B3GALNT2: variants seen among roughly 807,000 people sequenced by gnomAD.
B3GALNT2 encodes the protein beta-1,3-N-acetylgalactosaminyltransferase 2, also known as UDP-GalNAc:beta-1,3-N-acetylgalactosaminyltransferase 2.
In B3GALNT2, 53 loss-of-function variants were observed where a neutral mutation model predicts 61.1. The observed-to-expected ratio is 0.87, with a 90% confidence interval of 0.70 to 1.09. B3GALNT2 has a LOEUF of 1.09. B3GALNT2 is among the 50% of genes least tolerant of loss of function. The probability of loss-of-function intolerance (pLI) is 0.00; values close to 1 mark genes in which losing one functional copy is unlikely to be tolerated. For missense variants in B3GALNT2, 544 were observed against 623.0 expected (o/e 0.87, Z 1.35); for synonymous variants, 223 against 237.4 (o/e 0.94, Z 0.56).
chr1:235,494,163 G>A (rs1051431721), intron 2 of B3GALNT2, among the ~76,000 whole-genome samples: 2 of 152,176 alleles, frequency 1.3e-5, no homozygotes, highest in Admixed American at 6.5e-5. Context: ...TTAGTGAAAA[G>A]TATATTTAGA....
At chr1:235,441,680 A>G in the B3GALNT2 span, 478 of 761,168 alleles carry the variant, frequency 6.3e-4, 1 homozygote, top group African/African-American at 7.1e-3. Flanking sequence ...CACACTGAAT[A>G]AAGGCAGCTC....
In B3GALNT2 at chr1:235,492,823, T is replaced by C. The variant is rs377747835; in HGVS notation, c.260+1858A>G. On this transcript the variant is annotated intron_variant, in intron 2 of 11. Coordinates refer to ENST00000366600, the MANE Select transcript of B3GALNT2 (RefSeq NM_152490.5). ...TGAAGGAAGTGAGTCCTGAGGACAT[T>C]AGTGAGAGAGGACGTAGGAAATGCA... Among the ~76,000 whole-genome samples, 10 of 152,134 alleles carry C rather than the reference T, an allele frequency of 6.6e-5. 1 individual carries two copies. Among genetic ancestry groups the C allele is most frequent in the African/African-American group, 2.4e-4 (10 of 41,484 alleles).
the B3GALNT2 span, among the ~76,000 whole-genome samples, chr1:235,440,404 T>A: frequency 1.3e-5 from 2 of 151,536 alleles, no homozygotes; most frequent in Admixed American, 6.6e-5. Flanking sequence ...ATATATATAT[T>A]TTTTTGAGAT....
At chr1:235,490,637 T>C (rs1172296533) in intron 2 of B3GALNT2, among the ~76,000 whole-genome samples, 1 of 152,232 alleles carries the variant, frequency 6.6e-6, no homozygotes, top group African/African-American at 2.4e-5. Context: ...CTGCTACTAC[T>C]GGCTTCTGGG....
intron 3 of B3GALNT2, among the ~76,000 whole-genome samples, chr1:235,487,162 CAAAA>C: frequency 7.9e-6 from 1 of 127,194 alleles, no homozygotes. Flanking sequence ...ACTCTGTCTC[CAAAA>C]AAAAAAAAAA....
intron 7 of B3GALNT2, among the ~76,000 whole-genome samples, chr1:235,461,775 A>G (rs1467361297): frequency 6.6e-6 from 1 of 152,134 alleles, no homozygotes; most frequent in East Asian, 1.9e-4. Flanking sequence ...TTGGCCTCCC[A>G]AAGTGCTGGG....
intron 8 of B3GALNT2, among the ~76,000 whole-genome samples, chr1:235,456,056 G>A (rs1683156626): frequency 6.6e-6 from 1 of 152,054 alleles, no homozygotes; most frequent in Non-Finnish European, 1.5e-5. Flanking sequence ...TAATAACAAA[G>A]GCCCAGCATA....
At chr1:235,461,673 T>C (rs1028332640) in intron 7 of B3GALNT2, among the ~76,000 whole-genome samples, 8 of 151,972 alleles carry the variant, frequency 5.3e-5, no homozygotes, top group African/African-American at 1.9e-4. Flanking sequence ...TGCGCCACCA[T>C]GCCTAGCTAA....
chr1:235,444,543 A>G (rs1682115535), downstream of B3GALNT2, among the ~76,000 whole-genome samples: 1 of 152,174 alleles, frequency 6.6e-6, no homozygotes, highest in Non-Finnish European at 1.5e-5. Context: ...AGCTGGGACT[A>G]TAGGCACGAA....
intron 1 of B3GALNT2, chr1:235,496,379 T>G: frequency 2.2e-6 from 2 of 907,024 alleles, no homozygotes; most frequent in South Asian, 5.6e-5. Flanking sequence ...CAATGAGTCA[T>G]GTACTAAAAC....
At position 235,484,973 on chromosome 1, in the gene B3GALNT2, C is replaced by G. The variant is rs147766465; in HGVS notation, c.362-458G>C. Among the ~76,000 whole-genome samples, 451 of 152,316 alleles carry G rather than the reference C, an allele frequency of 3.0e-3. 2 individuals carry two copies. The highest frequency in any genetic ancestry group is 0.011 in the African/African-American group (440 of 41,570). ...GCAATTTAAAATACTTGTGATACATCAGGCAATTATTACGGTATAAATAAG... is the reference window on the plus strand; with the variant it reads ...GCAATTTAAAATACTTGTGATACATGAGGCAATTATTACGGTATAAATAAG... On this transcript the variant is annotated intron_variant, in intron 3 of 11. Coordinates refer to ENST00000366600, the MANE Select transcript of B3GALNT2 (RefSeq NM_152490.5).
Position 235,450,344 on chromosome 1 carries a change from T to C in B3GALNT2, c.1369-4A>G, listed in dbSNP as rs923489865. 35 of 1,613,890 alleles carry C rather than the reference T, an allele frequency of 2.2e-5. No homozygotes were observed. Among genetic ancestry groups the C allele is most frequent in the Non-Finnish European group, 2.8e-5 (33 of 1,179,816 alleles). ...TCTCACACAGCCACAGACTGTCCTGTTGAGAAACAACCAAAGCCGATCTGA... is the reference window on the plus strand; with the variant it reads ...TCTCACACAGCCACAGACTGTCCTGCTGAGAAACAACCAAAGCCGATCTGA... On this transcript the variant is annotated splice_region_variant and splice_polypyrimidine_tract_variant and intron_variant, in intron 11 of 11. Transcript: ENST00000366600.
At position 235,468,376 on chromosome 1, in the gene B3GALNT2, T is replaced by C. The variant is rs183474061; in HGVS notation, c.762+2474A>G. 1.1e-3 allele frequency among the ~76,000 whole-genome samples: 161 copies of C among 151,974 alleles called. 2 individuals carry two copies. Among genetic ancestry groups the C allele is most frequent in the African/African-American group, 3.6e-3 (149 of 41,488 alleles). ...TGTTTAAGCTATCTTTAGCCCTCTA[T>C]AATAATTTTTACTCCCAAAGGCAGA... On this transcript the variant is annotated intron_variant, in intron 6 of 11. Coordinates refer to ENST00000366600, the MANE Select transcript of B3GALNT2 (RefSeq NM_152490.5).
intron 3 of B3GALNT2, chr1:235,484,719 C>T (rs1684720132): frequency 1.1e-6 from 1 of 919,812 alleles, no homozygotes; most frequent in Non-Finnish European, 1.5e-6. Context: ...AAGTTTTCAG[C>T]CACATCTAAG....
Position 235,453,359 on chromosome 1 carries a change from C to T in B3GALNT2, c.1312-213G>A, listed in dbSNP as rs139783604. The stretch of plus-strand genomic sequence containing the variant: ...GCCACAAGGTAATAAGATGAAACCG[C>T]GAGCAGACGACCCATCCTTCTCATG... On this transcript the variant is annotated intron_variant, in intron 10 of 11. Transcript: ENST00000366600. Among the ~76,000 whole-genome samples the T allele has an allele frequency of 5.7e-3, 871 of 152,168 alleles. 10 individuals are homozygous for T. The highest frequency in any genetic ancestry group is 0.02 in the African/African-American group (830 of 41,514).
In B3GALNT2 at chr1:235,448,984, A is replaced by T; in HGVS notation, c.*1222T>A. ...AACCTACTAATGATTTTCTGATCTTATTTCATATTTATTTTTACAGCTCAT... is the reference window on the plus strand; with the variant it reads ...AACCTACTAATGATTTTCTGATCTTTTTTCATATTTATTTTTACAGCTCAT... On this transcript the variant is annotated 3_prime_UTR_variant, in exon 12 of 12. Transcript: ENST00000366600. 2.2e-6 allele frequency: 1 copy of T among 460,894 alleles called. No homozygotes were observed. The highest frequency in any genetic ancestry group is 4.0e-6 in the Non-Finnish European group (1 of 250,646). 28.6% of individuals were successfully genotyped at this position (460,894 alleles called of 1,614,324 possible). A position where few individuals can be genotyped will look rare whatever the true frequency, so the allele number is the denominator to read the frequency against.
rs1309787619 is a variant in B3GALNT2, at chr1:235,447,976, C to T, written c.*2230G>A. Among the ~76,000 whole-genome samples, 5 of 152,068 alleles carry T rather than the reference C, an allele frequency of 3.3e-5. No homozygotes were observed. The highest frequency in any genetic ancestry group is 2.1e-4 in the South Asian group (1 of 4,816). ...TTGTAATCCCAGCACTTTGGGGGGCCAGGGCGGGCGGATCACGAGGTCAGG... is the reference window on the plus strand; with the variant it reads ...TTGTAATCCCAGCACTTTGGGGGGCTAGGGCGGGCGGATCACGAGGTCAGG... On this transcript the variant is annotated 3_prime_UTR_variant, in exon 12 of 12. Transcript: ENST00000366600.
At chr1:235,440,710 T>A in the B3GALNT2 span, 1 of 152,172 alleles carries the variant, frequency 6.6e-6, no homozygotes, top group African/African-American at 2.4e-5. Context: ...TGTATTTTTT[T>A]AAAGCCCCCC....
At position 235,467,587 on chromosome 1, in the gene B3GALNT2, C is replaced by T. The variant is rs138473976; in HGVS notation, c.763-1873G>A. Reference sequence around the variant, plus strand: ...GCAACATCTGCCTCGGGGGTTCAAGCGATTCTCTTGCCTCAGCCTCTCAAG... The same window carrying T: ...GCAACATCTGCCTCGGGGGTTCAAGTGATTCTCTTGCCTCAGCCTCTCAAG... On this transcript the variant is annotated intron_variant, in intron 6 of 11. Coordinates refer to ENST00000366600, the MANE Select transcript of B3GALNT2 (RefSeq NM_152490.5). Among the ~76,000 whole-genome samples, 782 of 141,384 alleles carry T rather than the reference C, an allele frequency of 5.5e-3. 5 individuals carry two copies. The highest frequency in any genetic ancestry group is 0.02 in the African/African-American group (741 of 37,830). 92.8% of individuals were successfully genotyped at this position (141,384 alleles called of 152,430 possible).
Sources: allele counts gnomAD v4.1 joint callset (sites outside exome capture counted in the v4.1 genomes callset), GRCh38; gene constraint gnomAD v4.1.1; transcripts MANE v1.5; gene names NCBI Gene and HGNC (gene_info 2026-07-23, HGNC 2026-07-21).